Variants in TMEM9 observed in about 807,000 individuals in gnomAD.
TMEM9 encodes the protein proton-transporting V-type ATPase complex assembly regulator TMEM9.
Under a neutral mutation model 22.8 loss-of-function variants are expected in TMEM9, and 13 were observed. The ratio of observed to expected loss-of-function variants is 0.57; its 90% CI spans 0.37 to 0.91. The LOEUF (loss-of-function observed/expected upper bound fraction) is 0.91, where lower values mean the gene tolerates loss of function less well. Ranked by LOEUF, TMEM9 falls within the 40% of genes least tolerant of loss-of-function variation. The pLI is 0.01. For missense variants in TMEM9, 182 were observed against 238.1 expected, an observed-to-expected ratio of 0.76 and a Z score of 1.55; for synonymous variants, 88 against 93.0, an observed-to-expected ratio of 0.95 and a Z score of 0.31.
chr1:201,142,852 G>C (rs747283880), intron 4 of TMEM9, among the ~76,000 whole-genome samples: 1 of 152,238 alleles, frequency 6.6e-6, no homozygotes, highest in Admixed American at 6.5e-5. Flanking sequence ...GGAGCCCGAG[G>C]CACACGGGGC....
intron 1 of TMEM9, among the ~76,000 whole-genome samples, chr1:201,160,656 G>A (rs1028982685): frequency 6.7e-6 from 1 of 150,298 alleles, no homozygotes; most frequent in African/African-American, 2.4e-5. Context: ...GGACCCTAGG[G>A]CTGGGCGCAG....
chr1:201,169,573 C>G (rs1346828519), intron 1 of TMEM9, among the ~76,000 whole-genome samples: 2 of 152,120 alleles, frequency 1.3e-5, no homozygotes, highest in Middle Eastern at 3.2e-3. Flanking sequence ...GGAAATGGAA[C>G]ATTGTCCTGG....
rs556282031 is a variant in TMEM9 at position 201,165,671 on chromosome 1, G to A, written c.-37+5819C>T. 4.6e-5 allele frequency among the ~76,000 whole-genome samples: 7 copies of A among 152,194 alleles called. No individual in the cohort carries two copies. The South Asian group carries it at 6.2e-4, about 14-fold the overall frequency. ...AGGCTGATCTTGAACTCCTGACCTCGTGATCCTCCCAGCTCGGCCTCCCAA... is the reference window on the plus strand; with the variant it reads ...AGGCTGATCTTGAACTCCTGACCTCATGATCCTCCCAGCTCGGCCTCCCAA... On this transcript the variant is annotated intron_variant, in intron 1 of 5. Transcript: ENST00000367333.
chr1:201,144,016 G>C, intron 3 of TMEM9, 65 bp from the exon 4 acceptor site: 1 of 1,583,158 alleles, frequency 6.3e-7, no homozygotes, highest in East Asian at 2.3e-5. Flanking sequence ...TCCGTTGCTA[G>C]TCTTGGGCCA....
At chr1:201,137,930 C>T (rs1664146002) in intron 4 of TMEM9, among the ~76,000 whole-genome samples, 1 of 152,186 alleles carries the variant, frequency 6.6e-6, no homozygotes, top group Non-Finnish European at 1.5e-5. Flanking sequence ...GAGCTGGCCA[C>T]AGTGCTAAGA....
intron 1 of TMEM9, among the ~76,000 whole-genome samples, chr1:201,169,453 T>C (rs1247148594): frequency 6.6e-6 from 1 of 152,204 alleles, no homozygotes; most frequent in Non-Finnish European, 1.5e-5. Flanking sequence ...CTCTGTTCCA[T>C]GTTACGGACA....
At chr1:201,158,661 G>A (rs11803026), upstream of TMEM9, among the ~76,000 whole-genome samples, 2,170 of 152,190 alleles carry the variant, frequency 0.014, 69 homozygotes, top group African/African-American at 0.049. Flanking sequence ...TGGAGACCAG[G>A]TAACATCAGC....
At chr1:201,154,713 T>C (rs570467609), upstream of TMEM9, among the ~76,000 whole-genome samples, 12 of 152,358 alleles carry the variant, frequency 7.9e-5, no homozygotes, top group East Asian at 2.1e-3. Context: ...TGCTTCTCCC[T>C]TCCTTGTATT....
chr1:201,153,847 A>G lies in TMEM9; in HGVS notation c.66+11T>C. 1 of 1,613,984 alleles carries G rather than the reference A, an allele frequency of 6.2e-7. No homozygotes were observed. Among genetic ancestry groups the G allele is most frequent in the Non-Finnish European group, 8.5e-7 (1 of 1,179,974 alleles). ...GGTCGTGACCAGGTGCTGCAGGCTCACCTCCCTCACCTTGTTGGCTTCAGC... is the reference window on the plus strand; with the variant it reads ...GGTCGTGACCAGGTGCTGCAGGCTCGCCTCCCTCACCTTGTTGGCTTCAGC... On this transcript the variant is annotated intron_variant, in intron 1 of 4. Transcript: ENST00000367330.
intron 2 of TMEM9, among the ~76,000 whole-genome samples, chr1:201,149,576 T>A (rs2147797): frequency 0.9 from 137,054 of 152,082 alleles, 62,034 homozygotes; most frequent in Non-Finnish European, 0.95. Context: ...ATGGTCATAA[T>A]CTCTCAACAC....
chr1:201,156,236 C>T (rs1443895276), upstream of TMEM9, among the ~76,000 whole-genome samples: 1 of 152,192 alleles, frequency 6.6e-6, no homozygotes, highest in Non-Finnish European at 1.5e-5. Flanking sequence ...ATCAAACTAT[C>T]TTTGACTCCT....
At chr1:201,135,837 A>T in intron 4 of TMEM9, 22 bp from the exon 5 acceptor site, 1 of 1,575,660 alleles carries the variant, frequency 6.3e-7, no homozygotes, top group Non-Finnish European at 8.6e-7. Context: ...AGAAAAAAAG[A>T]GAAGATCTGG....
At position 201,149,183 on chromosome 1, in the gene TMEM9, A is replaced by G. The variant is rs114539474; in HGVS notation, c.159-2335T>C. On this transcript the variant is annotated intron_variant, in intron 2 of 4. Transcript: ENST00000367330. ...AGCTGAAATAGTTCTGCTGTCTCCA[A>G]CTCTCCTGTGATTGGGGGCAATTTA... Among the ~76,000 whole-genome samples, 290 of 152,054 alleles carry G rather than the reference A, an allele frequency of 1.9e-3. 2 individuals carry two copies. Among genetic ancestry groups the G allele is most frequent in the African/African-American group, 6.7e-3 (277 of 41,456 alleles).
chr1:201,153,860 T>C lies in TMEM9; in HGVS notation c.64A>G (p.Lys22Glu). 1 of 1,614,154 alleles carries C rather than the reference T, an allele frequency of 6.2e-7. No individual in the cohort carries two copies. The stretch of plus-strand genomic sequence containing the variant: ...TGCTGCAGGCTCACCTCCCTCACCT[T>C]GTTGGCTTCAGCTGGGGGCACCAGC... The part of the protein sequence containing the change: ...CLLVPPAEAN[K>E]SSEDIRCKCI... The change falls in exon 1 of 5, where the codon AAG becomes GAG. Residue 22 changes from lysine (K) to glutamate (E), a missense_variant and splice_region_variant. Lys to Glu is a moderately conservative substitution (Grantham distance 56, BLOSUM62 1). Transcript: ENST00000367330.
At position 201,152,069 on chromosome 1, in the gene TMEM9, G is replaced by A. The variant is rs375635520; in HGVS notation, c.67-217C>T. On this transcript the variant is annotated intron_variant, in intron 1 of 4. Transcript: ENST00000367330. Reference sequence around the variant, plus strand: ...GGTCCTAAAGATAGAAAAATGTCCAGATGGCAAATGAGACTCACAGAAAGT... The same window carrying A: ...GGTCCTAAAGATAGAAAAATGTCCAAATGGCAAATGAGACTCACAGAAAGT... Among the ~76,000 whole-genome samples, 29 of 152,294 alleles carry A rather than the reference G, an allele frequency of 1.9e-4. No individual in the cohort carries two copies. The East Asian group carries it at 4.2e-3, about 22-fold the overall frequency.
Position 201,138,593 on chromosome 1 carries a change from A to G in TMEM9, c.400-2778T>C, listed in dbSNP as rs370855326. On this transcript the variant is annotated intron_variant, in intron 4 of 4. Transcript: ENST00000367330. ...GGTGGAGCCCCTCCCAATCAGAAAA[A>G]GAGCTTGGACATGGATGGATTCCCA... 6.6e-4 allele frequency among the ~76,000 whole-genome samples: 100 copies of G among 152,344 alleles called. 1 individual carries two copies. Among genetic ancestry groups the G allele is most frequent in the African/African-American group, 2.3e-3 (97 of 41,576 alleles).
intron 1 of TMEM9, among the ~76,000 whole-genome samples, chr1:201,162,534 G>A (rs1228968308): frequency 1.5e-5 from 2 of 131,984 alleles, no homozygotes; most frequent in Non-Finnish European, 1.7e-5. Flanking sequence ...ACATACATAG[G>A]GAAAAAAAAA....
chr1:201,142,655 G>T (rs1243968677), intron 4 of TMEM9, among the ~76,000 whole-genome samples: 2 of 152,204 alleles, frequency 1.3e-5, no homozygotes, highest in East Asian at 1.9e-4. Flanking sequence ...TTATGCATAC[G>T]CATGAGTTCA....
intron 4 of TMEM9, among the ~76,000 whole-genome samples, chr1:201,140,703 C>T (rs769851738): frequency 4.6e-5 from 7 of 152,170 alleles, no homozygotes; most frequent in Non-Finnish European, 1.0e-4. Flanking sequence ...ACTTCTGGGG[C>T]GTAGGGCCTG....
Sources: gnomAD v4.1 joint callset for allele counts (sites outside exome capture counted in the v4.1 genomes callset) on GRCh38, gnomAD v4.1.1 for gene constraint, MANE v1.5 for transcripts, NCBI Gene and HGNC (gene_info 2026-07-23, HGNC 2026-07-21) for gene names.